Variants in PPP2R3A observed in about 807,000 individuals in gnomAD.
PPP2R3A encodes the protein protein phosphatase 2 regulatory subunit B''alpha.
PPP2R3A carries 80 observed loss-of-function variants against 106.9 expected under a neutral mutation model. The observed-to-expected ratio is 0.75, with a 90% CI of 0.62 to 0.90. The LOEUF (loss-of-function observed/expected upper bound fraction) is 0.90. Ranked by LOEUF, PPP2R3A falls within the 40% of genes least tolerant of loss-of-function variation. The pLI is 0.00. For synonymous variants in PPP2R3A, 483 were observed against 468.3 expected (o/e 1.03, Z -0.41); for missense variants, 1,386 against 1,350.4 (o/e 1.03, Z -0.41).
At chr3:136,004,227 C>T (rs1933762831) in intron 2 of PPP2R3A, among the ~76,000 whole-genome samples, 1 of 152,186 alleles carries the variant, frequency 6.6e-6, no homozygotes, top group Admixed American at 6.5e-5. Flanking sequence ...CCCAGAAAGG[C>T]AGTTGTCTTC....
intron 3 of PPP2R3A, among the ~76,000 whole-genome samples, chr3:136,031,700 C>G (rs1034141743): frequency 3.9e-5 from 6 of 152,170 alleles, no homozygotes; most frequent in African/African-American, 1.4e-4. Context: ...AGACGAGGAT[C>G]AGTTTCATTC....
intron 13 of PPP2R3A, among the ~76,000 whole-genome samples, chr3:136,137,533 G>GTTTTTTTTTTTTT (rs1559941176): frequency 1.3e-4 from 5 of 38,436 alleles, no homozygotes; most frequent in South Asian, 8.8e-4. Context: ...CTCTGTCAGA[G>GTTTTTTTTTTTTT]ATTTTTTTTT....
At chr3:136,143,989 T>G (rs1047762373) in intron 13 of PPP2R3A, among the ~76,000 whole-genome samples, 2 of 152,248 alleles carry the variant, frequency 1.3e-5, no homozygotes, top group Admixed American at 1.3e-4. Flanking sequence ...AATACTATAA[T>G]AGACATTGCT....
chr3:136,080,990 CT>C (rs1936762166), intron 7 of PPP2R3A, among the ~76,000 whole-genome samples: 1 of 151,690 alleles, frequency 6.6e-6, no homozygotes, highest in African/African-American at 2.4e-5. Flanking sequence ...TCATGTGTTT[CT>C]TTTTTCTTTT....
intron 9 of PPP2R3A, among the ~76,000 whole-genome samples, chr3:136,088,708 A>T (rs1230772258): frequency 6.6e-6 from 1 of 152,196 alleles, no homozygotes; most frequent in Admixed American, 6.5e-5. Flanking sequence ...CATTCCCACT[A>T]ACAGTGTATA....
chr3:136,013,933 GT>G (rs1934185390), intron 2 of PPP2R3A, among the ~76,000 whole-genome samples: 1 of 152,096 alleles, frequency 6.6e-6, no homozygotes, highest in African/African-American at 2.4e-5. Flanking sequence ...GTCTAGAAGG[GT>G]TTTTCCGATG....
At chr3:135,980,147 C>T (rs997185696) in intron 1 of PPP2R3A, among the ~76,000 whole-genome samples, 6 of 151,770 alleles carry the variant, frequency 4.0e-5, no homozygotes, top group South Asian at 2.1e-4. Context: ...CTTTGAGACT[C>T]AGAGCTCTCA....
At chr3:135,972,258 A>G (rs1937270638) in intron 1 of PPP2R3A, among the ~76,000 whole-genome samples, 1 of 152,348 alleles carries the variant, frequency 6.6e-6, no homozygotes, top group Admixed American at 6.5e-5. Context: ...TCTTTCATTC[A>G]GCACAATGTA....
At chr3:136,092,402 G>A (rs979104823) in intron 10 of PPP2R3A, among the ~76,000 whole-genome samples, 1 of 152,130 alleles carries the variant, frequency 6.6e-6, no homozygotes, top group African/African-American at 2.4e-5. Context: ...TGTTAAGATG[G>A]CAGTAATTCC....
chr3:136,101,971 AC>A lies in PPP2R3A; in HGVS notation c.2928-34del, dbSNP rs1457756308. The A allele has an allele frequency of 1.9e-6, 3 of 1,587,326 alleles. No individual in the cohort carries two copies. The East Asian group carries it at 6.8e-5, about 36-fold the overall frequency. ...AAATCTGGATAAATAAAAGGTCTTT[AC>A]CAGGCCCATGATAATGATTGTCCTT... On this transcript the variant is annotated intron_variant, in intron 10 of 13. Transcript: ENST00000264977.
chr3:136,043,889 C>T (rs567365185), intron 4 of PPP2R3A, among the ~76,000 whole-genome samples: 1 of 152,254 alleles, frequency 6.6e-6, no homozygotes, highest in African/African-American at 2.4e-5. Context: ...TTTTCTCCTG[C>T]CATAGAGTTG....
Position 136,070,466 on chromosome 3 carries a change from G to T in PPP2R3A, c.2470-12G>T. On this transcript the variant is annotated splice_polypyrimidine_tract_variant and intron_variant, in intron 5 of 13. Transcript: ENST00000264977. ...TGTTTGTTAATTTAGTTTTGGTTTT[G>T]ATCTTTTTCAGGATGTGGTGGATAC... 1 of 1,585,206 alleles carries T rather than the reference G, an allele frequency of 6.3e-7. No individual in the cohort carries two copies. The highest frequency in any genetic ancestry group is 8.5e-7 in the Non-Finnish European group (1 of 1,170,048).
chr3:136,106,805 TC>T (rs1937525002), intron 13 of PPP2R3A: 1 of 153,830 alleles, frequency 6.5e-6, no homozygotes, highest in Non-Finnish European at 1.4e-5. Context: ...ATGCCTGTAA[TC>T]CCAGCTACTT....
intron 2 of PPP2R3A, among the ~76,000 whole-genome samples, chr3:136,022,426 CTT>C (rs1429593038): frequency 6.6e-6 from 1 of 152,052 alleles, no homozygotes; most frequent in Admixed American, 6.6e-5. Context: ...TGTTTTTCCT[CTT>C]GTTTTGACTA....
At chr3:136,046,956 G>A (rs1482050930) in intron 4 of PPP2R3A, among the ~76,000 whole-genome samples, 1 of 152,118 alleles carries the variant, frequency 6.6e-6, no homozygotes, top group African/African-American at 2.4e-5. Flanking sequence ...AATACAACTA[G>A]AAGCATTAAT....
chr3:136,144,652 C>A (rs1311532225), intron 13 of PPP2R3A, among the ~76,000 whole-genome samples: 1 of 149,770 alleles, frequency 6.7e-6, no homozygotes, highest in African/African-American at 2.5e-5. Flanking sequence ...CAGAGCAAGG[C>A]TCCGTCTCAA....
chr3:136,021,596 G>A (rs2107814770), intron 2 of PPP2R3A, among the ~76,000 whole-genome samples: 1 of 152,204 alleles, frequency 6.6e-6, no homozygotes, highest in South Asian at 2.1e-4. Context: ...CAGTAAAAGA[G>A]GGTTGTAAGC....
At chr3:135,984,435 T>A (rs945904627) in intron 1 of PPP2R3A, among the ~76,000 whole-genome samples, 1 of 152,216 alleles carries the variant, frequency 6.6e-6, no homozygotes, top group Non-Finnish European at 1.5e-5. Context: ...TGCATTTAAA[T>A]ACTCAGCACA....
At chr3:135,982,297 T>C (rs115864085) in intron 1 of PPP2R3A, among the ~76,000 whole-genome samples, 1,950 of 152,266 alleles carry the variant, frequency 0.013, 104 homozygotes, top group African/African-American at 0.045. Flanking sequence ...GGTCATCGGG[T>C]TCTTTGTCTA....
Sources: gnomAD v4.1 joint callset for allele counts (sites outside exome capture counted in the v4.1 genomes callset) on GRCh38, gnomAD v4.1.1 for gene constraint, MANE v1.5 for transcripts, NCBI Gene and HGNC (gene_info 2026-07-23, HGNC 2026-07-21) for gene names.